RNF24: variants seen among roughly 807,000 people sequenced by gnomAD.
RNF24 encodes ring finger protein 24.
RNF24 carries 14 observed loss-of-function variants against 20.0 expected under a neutral mutation model. The ratio of observed to expected loss-of-function variants is 0.70; its 90% CI spans 0.46 to 1.10. The LOEUF (loss-of-function observed/expected upper bound fraction) is 1.10, where lower values mean the gene tolerates loss of function less well. RNF24 is among the 50% of genes least tolerant of loss of function. The probability of loss-of-function intolerance (pLI) is 0.00; values close to 1 mark genes in which losing one functional copy is unlikely to be tolerated. For missense variants in RNF24, 124 were observed against 177.6 expected, an observed-to-expected ratio of 0.70 and a Z score of 1.71; for synonymous variants, 45 against 61.1, an observed-to-expected ratio of 0.74 and a Z score of 1.23.
chr20:3,994,051 A>G (rs1219884243), intron 1 of RNF24, among the ~76,000 whole-genome samples: 13 of 152,190 alleles, frequency 8.5e-5, no homozygotes, highest in Admixed American at 7.9e-4. Context: ...ACATTGCATT[A>G]ATTGTATCTC....
chr20:4,014,739 G>GCGCACACACACACACACA (rs1555804206), intron 1 of RNF24, among the ~76,000 whole-genome samples: 23 of 143,670 alleles, frequency 1.6e-4, no homozygotes, highest in African/African-American at 3.3e-4. Flanking sequence ...ACTTGAATGC[G>GCGCACACACACACACACA]CACACACACA....
chr20:3,963,503 T>C (rs73086535), intron 2 of RNF24, among the ~76,000 whole-genome samples: 18,820 of 152,308 alleles, frequency 0.12, 1,436 homozygotes, highest in Non-Finnish European at 0.17. Flanking sequence ...TTCCCTACTT[T>C]TCTGATACCT....
Position 3,970,378 on chromosome 20 carries a change from GT to G in RNF24, c.-7-6355del, listed in dbSNP as rs1238928198. The stretch of plus-strand genomic sequence containing the variant: ...CAAAGGAAGCCAGTTAACACATCAG[GT>G]TTAAAAAAAATCCAGAGTCTCATAA... On this transcript the variant is annotated intron_variant, in intron 1 of 5. Transcript: ENST00000358395. Among the ~76,000 whole-genome samples the G allele has an allele frequency of 4.6e-5, 7 of 152,062 alleles. No homozygotes were observed. The South Asian group carries it at 1.2e-3, about 27-fold the overall frequency.
At chr20:3,971,656 AC>A (rs1978367769) in intron 1 of RNF24, among the ~76,000 whole-genome samples, 1 of 152,182 alleles carries the variant, frequency 6.6e-6, no homozygotes, top group East Asian at 1.9e-4. Flanking sequence ...ATACTAGTAG[AC>A]TGCATATATA....
intron 4 of RNF24, among the ~76,000 whole-genome samples, chr20:3,935,432 C>G (rs999930178): frequency 2.0e-5 from 3 of 152,198 alleles, no homozygotes; most frequent in African/African-American, 7.2e-5. Flanking sequence ...CTGAGGCTCT[C>G]TGGGTTCTCC....
At chr20:4,008,558 T>TATA (rs1268251211) in intron 1 of RNF24, among the ~76,000 whole-genome samples, 3 of 120,982 alleles carry the variant, frequency 2.5e-5, no homozygotes, top group South Asian at 2.3e-4. Context: ...ATATATATAT[T>TATA]TTTTTTTGAG....
chr20:4,011,216 T>G (rs1982434674), intron 1 of RNF24, among the ~76,000 whole-genome samples: 2 of 152,206 alleles, frequency 1.3e-5, no homozygotes, highest in East Asian at 3.8e-4. Context: ...AACAATGTCT[T>G]CAAAACAGTC....
intron 1 of RNF24, among the ~76,000 whole-genome samples, chr20:3,991,934 ACACACG>A (rs1980474848): frequency 6.7e-6 from 1 of 148,476 alleles, no homozygotes; most frequent in East Asian, 2.0e-4. Context: ...ATATACACAC[ACACACG>A]CACACACACA....
intron 4 of RNF24, among the ~76,000 whole-genome samples, chr20:3,942,335 AT>A (rs879326719): frequency 1.1e-3 from 147 of 132,590 alleles, no homozygotes; most frequent in Middle Eastern, 3.9e-3. Context: ...GGCCCAGTTA[AT>A]TTTTTTTTTT....
At position 3,928,237 on chromosome 20, in the gene RNF24, T is replaced by A. The variant is rs1457629201; in HGVS notation, c.*5826A>T. 1 of 152,338 alleles carries A rather than the reference T, an allele frequency of 6.6e-6. No individual in the cohort carries two copies. Among genetic ancestry groups the A allele is most frequent in the South Asian group, 2.1e-4 (1 of 4,820 alleles). 9.4% of individuals were successfully genotyped at this position (152,338 alleles called of 1,614,324 possible). On this transcript the variant is annotated 3_prime_UTR_variant, in exon 6 of 6. Transcript: ENST00000358395. The stretch of plus-strand genomic sequence containing the variant: ...ACAAATGCCAGAAGAGTGGATGTGA[T>A]AGAGAATTTTTTCTCAAGTTTTGGG...
chr20:3,979,104 A>AC (rs1381120502), intron 1 of RNF24, among the ~76,000 whole-genome samples: 1 of 150,392 alleles, frequency 6.6e-6, no homozygotes, highest in Non-Finnish European at 1.5e-5. Flanking sequence ...AAAAAAAAAA[A>AC]AACCCAAAAC....
chr20:3,976,487 C>T (rs1978877334), intron 1 of RNF24, among the ~76,000 whole-genome samples: 1 of 152,142 alleles, frequency 6.6e-6, no homozygotes, highest in Non-Finnish European at 1.5e-5. Flanking sequence ...TAAAATTAAA[C>T]ATGCAACTGC....
intron 2 of RNF24, among the ~76,000 whole-genome samples, chr20:3,950,987 G>A (rs892086748): frequency 2.6e-5 from 4 of 151,848 alleles, no homozygotes; most frequent in Non-Finnish European, 5.9e-5. Context: ...ACAGAGTCTC[G>A]CTCTGTAGCC....
At chr20:3,951,231 ACAGGCGTGAGCCACCGCAC>A (rs1156825311) in intron 2 of RNF24, among the ~76,000 whole-genome samples, 1 of 152,196 alleles carries the variant, frequency 6.6e-6, no homozygotes, top group Non-Finnish European at 1.5e-5. Flanking sequence ...TGCTGGGATT[ACAGGCGTGAGCCACCGCAC>A]CAGGCCAGCC....
intron 1 of RNF24, among the ~76,000 whole-genome samples, chr20:3,992,415 C>T (rs899621277): frequency 3.3e-5 from 5 of 152,028 alleles, no homozygotes; most frequent in Non-Finnish European, 7.4e-5. Context: ...GAAATACGGA[C>T]TTAGAATAAA....
At chr20:4,002,842 T>G (rs6084544) in intron 1 of RNF24, among the ~76,000 whole-genome samples, 15,739 of 152,240 alleles carry the variant, frequency 0.1, 1,131 homozygotes, top group South Asian at 0.23. Flanking sequence ...CTTAGAACTG[T>G]GTCACGCTTT....
At chr20:3,955,183 G>A (rs2091128912) in intron 2 of RNF24, among the ~76,000 whole-genome samples, 2 of 152,078 alleles carry the variant, frequency 1.3e-5, no homozygotes, top group Non-Finnish European at 2.9e-5. Context: ...TAAGTCTTTT[G>A]CCCATTTTTA....
chr20:3,978,243 G>A (rs1334005754), intron 1 of RNF24, among the ~76,000 whole-genome samples: 1 of 151,934 alleles, frequency 6.6e-6, no homozygotes, highest in East Asian at 1.9e-4. Context: ...TCGCCCTGTT[G>A]GCCAGGCCGG....
intron 4 of RNF24, among the ~76,000 whole-genome samples, chr20:3,941,622 G>C (rs532538792): frequency 1.3e-4 from 20 of 152,048 alleles, no homozygotes; most frequent in Admixed American, 3.9e-4. Context: ...AAAAAAAATG[G>C]TAAACCTAAT....
Sources: gnomAD v4.1 joint callset for allele counts (sites outside exome capture counted in the v4.1 genomes callset) on GRCh38, gnomAD v4.1.1 for gene constraint, MANE v1.5 for transcripts, NCBI Gene and HGNC (gene_info 2026-07-23, HGNC 2026-07-21) for gene names.